Variants in SLC30A3 observed in about 807,000 individuals in gnomAD.
The protein encoded by SLC30A3 is solute carrier family 30 member 3.
SLC30A3 carries 20 observed loss-of-function variants against 35.6 expected under a neutral mutation model. The observed-to-expected ratio is 0.56, with a 90% confidence interval of 0.39 to 0.82. SLC30A3 has a LOEUF of 0.82. SLC30A3 is among the 40% of genes least tolerant of loss of function. SLC30A3 has a pLI of 0.00. For synonymous variants in SLC30A3, 217 were observed against 224.7 expected (o/e 0.97, Z 0.31); for missense variants, 401 against 530.6 (o/e 0.76, Z 2.40).
Position 27,255,394 on chromosome 2 carries a change from A to T in SLC30A3, c.1085T>A (p.Phe362Tyr), listed in dbSNP as rs1676788152. The change falls in exon 8 of 8, where the codon TTC becomes TAC. Residue 362 changes from phenylalanine (F) to tyrosine (Y), a missense_variant. Phe to Tyr is a conservative substitution (Grantham distance 22, BLOSUM62 3). This residue lies in a region of SLC30A3 where 296 missense variants were observed against 392.6 expected (regional missense o/e 0.75). Transcript: ENST00000233535. This position sits in a 1 kb window ranked among gnomAD's most constrained non-coding sequence, Gnocchi z 5.2. Reference sequence around the variant, plus strand: ...CTCGACCTGCAGGGTGCAGCTGGAGAATCCAAACCGGGAGTAGAGCCGGGA... The same window carrying T: ...CTCGACCTGCAGGGTGCAGCTGGAGTATCCAAACCGGGAGTAGAGCCGGGA... The part of the protein sequence containing the change: ...ASSRLYSRFG[F>Y]SSCTLQVEQY... The T allele has an allele frequency of 6.2e-7, 1 of 1,613,994 alleles. No homozygotes were observed. Among genetic ancestry groups the T allele is most frequent in the Non-Finnish European group, 8.5e-7 (1 of 1,180,032 alleles).
At chr2:27,263,229 G>T, upstream of SLC30A3, 1 of 628,386 alleles carries the variant, frequency 1.6e-6, no homozygotes, top group South Asian at 1.9e-5. Flanking sequence ...CCCGAGTTCT[G>T]GAGAACTCCT....
chr2:27,273,523 T>C (rs958175191), intron 1 of SLC30A3, among the ~76,000 whole-genome samples: 27 of 149,686 alleles, frequency 1.8e-4, no homozygotes, highest in Non-Finnish European at 3.4e-4. Context: ...TCATGAAAGC[T>C]TGGGGGTTAA....
In SLC30A3 at chr2:27,271,271, T is replaced by C. The variant is rs1170187162; in HGVS notation, c.-159+3906A>G. 6.6e-6 allele frequency among the ~76,000 whole-genome samples: 1 copy of C among 152,200 alleles called. No individual in the cohort carries two copies. Among genetic ancestry groups the C allele is most frequent in the Non-Finnish European group, 1.5e-5 (1 of 68,034 alleles). On this transcript the variant is annotated intron_variant, in intron 1 of 5. Coordinates refer to the SLC30A3 transcript ENST00000424577. This position sits in a 1 kb window ranked among gnomAD's most constrained non-coding sequence, Gnocchi z 4.3. ...TGTCTGCTGTCTGTATGTGTGTGTA[T>C]TCCAGCTATATGACTAAAACTTTAG...
intron 1 of SLC30A3, among the ~76,000 whole-genome samples, chr2:27,268,812 A>T (rs1677606589): frequency 1.3e-5 from 2 of 152,234 alleles, no homozygotes. Flanking sequence ...GTTCACTGCC[A>T]GATTTCAAAG....
At chr2:27,263,191 C>A (rs548930724), upstream of SLC30A3, 9 of 1,078,442 alleles carry the variant, frequency 8.3e-6, no homozygotes, top group South Asian at 1.9e-5. Flanking sequence ...CCCATTTCCC[C>A]GCGCCAGAGC....
chr2:27,267,777 A>C (rs898447056), upstream of SLC30A3, among the ~76,000 whole-genome samples: 4 of 151,990 alleles, frequency 2.6e-5, no homozygotes, highest in African/African-American at 9.7e-5. Flanking sequence ...TCTACTAAAA[A>C]TACAAAAATA....
chr2:27,265,274 G>T (rs1677450987), upstream of SLC30A3, among the ~76,000 whole-genome samples: 1 of 152,226 alleles, frequency 6.6e-6, no homozygotes, highest in South Asian at 2.1e-4. This position sits in a 1 kb window ranked among gnomAD's most constrained non-coding sequence, Gnocchi z 5.9. Context: ...GAGGCGCCTC[G>T]CAGCGCGTGG....
Position 27,271,264 on chromosome 2 carries a change from G to A in SLC30A3, c.-159+3913C>T, listed in dbSNP as rs965140865. ...ATGCCAATGTCTGCTGTCTGTATGTGTGTGTATTCCAGCTATATGACTAAA... is the reference window on the plus strand; with the variant it reads ...ATGCCAATGTCTGCTGTCTGTATGTATGTGTATTCCAGCTATATGACTAAA... On this transcript the variant is annotated intron_variant, in intron 1 of 5. Coordinates refer to the SLC30A3 transcript ENST00000424577. This position sits in a 1 kb window ranked among gnomAD's most constrained non-coding sequence, Gnocchi z 4.3. 6.6e-6 allele frequency among the ~76,000 whole-genome samples: 1 copy of A among 152,194 alleles called. No homozygotes were observed. The highest frequency in any genetic ancestry group is 2.4e-5 in the African/African-American group (1 of 41,450).
chr2:27,275,380 G>A (rs369285002), upstream of SLC30A3: 31 of 434,596 alleles, frequency 7.1e-5, no homozygotes, highest in East Asian at 1.7e-3. Flanking sequence ...ATAAGTCCCA[G>A]GGCCAATGTG....
At chr2:27,263,438 G>A (rs1367169991), upstream of SLC30A3, 5 of 419,730 alleles carry the variant, frequency 1.2e-5, no homozygotes, top group Non-Finnish European at 2.5e-5. Context: ...CGCGGAGGCA[G>A]AAACAGGAGC....
intron 1 of SLC30A3, among the ~76,000 whole-genome samples, chr2:27,273,392 T>A (rs1414681190): frequency 6.6e-6 from 1 of 152,112 alleles, no homozygotes; most frequent in Non-Finnish European, 1.5e-5. Flanking sequence ...CCACGCTGGG[T>A]CTTACAGACT....
At chr2:27,275,223 G>A in exon 1 of SLC30A3, 1 of 1,304,128 alleles carries the variant, frequency 7.7e-7, no homozygotes, top group Non-Finnish European at 1.0e-6. Context: ...CCTGGAGTGA[G>A]TTGGGCCATC....
chr2:27,256,212 A>G (rs558186551), intron 7 of SLC30A3, 174 bp downstream of exon 7: 1 of 718,358 alleles, frequency 1.4e-6, no homozygotes, highest in East Asian at 2.8e-5. Flanking sequence ...TCCAACATGC[A>G]CGAGCGCACG....
chr2:27,260,275 C>A (rs951278104), intron 1 of SLC30A3, among the ~76,000 whole-genome samples: 1 of 152,120 alleles, frequency 6.6e-6, no homozygotes, highest in African/African-American at 2.4e-5. Context: ...CTGGGGTTGT[C>A]ATGGGAGGAA....
At chr2:27,266,650 C>T (rs1317667381), upstream of SLC30A3, among the ~76,000 whole-genome samples, 1 of 152,156 alleles carries the variant, frequency 6.6e-6, no homozygotes, top group Non-Finnish European at 1.5e-5. Context: ...AATTCCAGCA[C>T]TTTGGGAGGC....
rs1165815425 is a variant in SLC30A3 at position 27,254,216 on chromosome 2, A to T, written c.*1096T>A. Reference sequence around the variant, plus strand: ...GCTATGGTCTAGCCATTCTCCCTCAAAGGGACCCAGCCTCCCTCCAGCCAG... The same window carrying T: ...GCTATGGTCTAGCCATTCTCCCTCATAGGGACCCAGCCTCCCTCCAGCCAG... On this transcript the variant is annotated 3_prime_UTR_variant, in exon 8 of 8. Coordinates refer to ENST00000233535, the MANE Select transcript of SLC30A3 (RefSeq NM_003459.5). 1 of 152,182 alleles carries T rather than the reference A, an allele frequency of 6.6e-6. No homozygotes were observed. Among genetic ancestry groups the T allele is most frequent in the Non-Finnish European group, 1.5e-5 (1 of 68,072 alleles). The allele number at this position is 152,182 out of a possible 1,614,324, so 9.4% of individuals were successfully genotyped here. A position where few individuals can be genotyped will look rare whatever the true frequency, so the allele number is the denominator to read the frequency against.
In SLC30A3 at chr2:27,262,881, C is replaced by G. The variant is rs778275630; in HGVS notation, c.26G>C (p.Gly9Ala). 2 of 1,557,196 alleles carry G rather than the reference C, an allele frequency of 1.3e-6. No homozygotes were observed. The highest frequency in any genetic ancestry group is 2.4e-5 in the South Asian group (2 of 84,718). ...GCTCACCAGGCGAGTGGTCTCCAAG[C>G]CCCCAGCGGCTGGAGAGGGCTCCAT... MEPSPAAG[G>A]LETTRLVSPR... is the part of the protein sequence containing the mutation. The change falls in exon 1 of 8, where the codon GGC becomes GCC. Residue 9 changes from glycine to alanine, a missense_variant. Gly to Ala is a moderately conservative substitution (Grantham distance 60). Coordinates refer to ENST00000233535, the MANE Select transcript of SLC30A3 (RefSeq NM_003459.5). This position sits in a 1 kb window ranked among gnomAD's most constrained non-coding sequence, Gnocchi z 7.5.
At position 27,255,562 on chromosome 2, in the gene SLC30A3, G is replaced by A; in HGVS notation, c.1019-102C>T. On this transcript the variant is annotated intron_variant, in intron 7 of 7. Coordinates refer to ENST00000233535, the MANE Select transcript of SLC30A3 (RefSeq NM_003459.5). This position sits in a 1 kb window ranked among gnomAD's most constrained non-coding sequence, Gnocchi z 5.2. ...AGGGGCTGCACAGCATTAAAGCCAG[G>A]CGTGAATGGAAGCCTGCTTTTCTTT... The A allele has an allele frequency of 7.8e-7, 1 of 1,289,694 alleles. No individual in the cohort carries two copies. The highest frequency in any genetic ancestry group is 1.1e-6 in the Non-Finnish European group (1 of 919,408). 79.9% of individuals were successfully genotyped at this position (1,289,694 alleles called of 1,614,324 possible). A position where few individuals can be genotyped will look rare whatever the true frequency, so the allele number is the denominator to read the frequency against.
chr2:27,272,349 G>A (rs1572494398), intron 1 of SLC30A3, among the ~76,000 whole-genome samples: 1 of 152,156 alleles, frequency 6.6e-6, no homozygotes, highest in African/African-American at 2.4e-5. Flanking sequence ...CATTGGATCA[G>A]CAGACGGCCC....
Sources: gnomAD v4.1 joint callset for allele counts (sites outside exome capture counted in the v4.1 genomes callset) on GRCh38, gnomAD v4.1.1 for gene constraint, gnomAD v4.1.1 regional missense constraint, Gnocchi (gnomAD v3.1) non-coding constraint, MANE v1.5 for transcripts, NCBI Gene and HGNC (gene_info 2026-07-23, HGNC 2026-07-21) for gene names.